Variants in ANKRD46 observed in about 807,000 individuals in gnomAD.
ANKRD46 encodes ankyrin repeat domain 46, also known as ankyrin repeat domain-containing protein 46.
ANKRD46 carries 13 observed loss-of-function variants against 19.8 expected under a neutral mutation model. That is an observed-to-expected ratio of 0.66 (90% CI 0.43 to 1.04). ANKRD46 has a LOEUF of 1.04. ANKRD46 is among the 50% of genes least tolerant of loss of function. The pLI is 0.00. For missense variants in ANKRD46, 185 were observed against 274.8 expected, an observed-to-expected ratio of 0.67 and a Z score of 2.31; for synonymous variants, 91 against 106.9, an observed-to-expected ratio of 0.85 and a Z score of 0.92.
rs1456148890 is a variant in ANKRD46, at chr8:100,543,786, A to T, written c.-130-10475T>A. ...CTTTCAGGTTTATGGTAGCTATTAA[A>T]TTTACCACTAATATATCTGCATGTC... On this transcript the variant is annotated intron_variant, in intron 1 of 4. Transcript: ENST00000335659. The surrounding 1 kb of genome is among the most constrained non-coding windows in gnomAD (Gnocchi z 4.2). Among the ~76,000 whole-genome samples, 1 of 152,228 alleles carries T rather than the reference A, an allele frequency of 6.6e-6. No homozygotes were observed. The highest frequency in any genetic ancestry group is 1.5e-5 in the Non-Finnish European group (1 of 68,042).
At chr8:100,556,965 C>T (rs1812512893) in intron 1 of ANKRD46, 1 of 152,102 alleles carries the variant, frequency 6.6e-6, no homozygotes, top group Admixed American at 6.5e-5. Context: ...TAAATACTAC[C>T]CTTCTGTGCA....
chr8:100,518,222 G>A (rs1811664729), downstream of ANKRD46, among the ~76,000 whole-genome samples: 2 of 152,020 alleles, frequency 1.3e-5, no homozygotes, highest in Non-Finnish European at 2.9e-5. Flanking sequence ...GCTATAGAAT[G>A]GCTCCCAGAT....
In ANKRD46 at chr8:100,550,978, A is replaced by G. The variant is rs992489752; in HGVS notation, c.-131+8733T>C. The stretch of plus-strand genomic sequence containing the variant: ...CATCATATTTGGCAGGTTTCTCCAG[A>G]TGGCAGGTCAGGTCCACAACCAACA... On this transcript the variant is annotated intron_variant, in intron 1 of 4. Coordinates refer to ENST00000335659, the MANE Select transcript of ANKRD46 (RefSeq NM_001270377.2). The surrounding 1 kb of genome is among the most constrained non-coding windows in gnomAD (Gnocchi z 4.4). 2.3e-5 allele frequency: 13 copies of G among 560,030 alleles called. No individual in the cohort carries two copies. Among genetic ancestry groups the G allele is most frequent in the African/African-American group, 2.1e-4 (11 of 52,772 alleles). 34.7% of individuals were successfully genotyped at this position (560,030 alleles called of 1,614,324 possible). A position where few individuals can be genotyped will look rare whatever the true frequency, so the allele number is the denominator to read the frequency against.
At chr8:100,538,193 T>C (rs753764464) in intron 1 of ANKRD46, among the ~76,000 whole-genome samples, 1 of 151,964 alleles carries the variant, frequency 6.6e-6, no homozygotes. Context: ...TTTTTTCTTA[T>C]GACTAGTTCT....
At position 100,511,718 on chromosome 8, in the gene ANKRD46, C is replaced by T. The variant is rs568126870; in HGVS notation, c.637-1079G>A. Reference sequence around the variant, plus strand: ...GGCTGTTGGCTGAGTCATTAGGGCTCCATTAAAGACAATGAAGAATTTCGG... The same window carrying T: ...GGCTGTTGGCTGAGTCATTAGGGCTTCATTAAAGACAATGAAGAATTTCGG... On this transcript the variant is annotated intron_variant, in intron 5 of 5. Coordinates refer to the ANKRD46 transcript ENST00000520552. This position sits in a 1 kb window ranked among gnomAD's most constrained non-coding sequence, Gnocchi z 4.1. Among the ~76,000 whole-genome samples, 26 of 152,250 alleles carry T rather than the reference C, an allele frequency of 1.7e-4. No individual in the cohort carries two copies. The highest frequency in any genetic ancestry group is 6.3e-4 in the African/African-American group (26 of 41,554).
chr8:100,539,493 G>A (rs1249349985), intron 1 of ANKRD46, among the ~76,000 whole-genome samples: 1 of 152,170 alleles, frequency 6.6e-6, no homozygotes, highest in African/African-American at 2.4e-5. Context: ...AATAACAGAA[G>A]TTCAAATTTT....
downstream of ANKRD46, among the ~76,000 whole-genome samples, chr8:100,518,190 TAAAAA>T (rs777025243): frequency 1.3e-5 from 2 of 151,892 alleles, no homozygotes; most frequent in Non-Finnish European, 2.9e-5. Context: ...GACTCTGTCT[TAAAAA>T]AGATTAAATA....
intron 5 of ANKRD46, among the ~76,000 whole-genome samples, chr8:100,513,158 A>G (rs1015847886): frequency 2.6e-5 from 4 of 152,260 alleles, no homozygotes; most frequent in Non-Finnish European, 5.9e-5. Context: ...AGTTTAGTCA[A>G]TAAAACACAT....
chr8:100,512,154 C>T (rs777130575), intron 5 of ANKRD46, among the ~76,000 whole-genome samples: 3 of 152,188 alleles, frequency 2.0e-5, no homozygotes, highest in Non-Finnish European at 4.4e-5. Flanking sequence ...GTTTATTTAA[C>T]AGAAACTGCA....
downstream of ANKRD46, among the ~76,000 whole-genome samples, chr8:100,519,727 C>T (rs1179208172): frequency 2.0e-5 from 3 of 152,140 alleles, no homozygotes; most frequent in Admixed American, 1.3e-4. Context: ...TGCTGCTGAT[C>T]GGAAGCCTGC....
rs149256777 is a variant in ANKRD46 at position 100,546,698 on chromosome 8, A to T, written c.-131+13013T>A. Among the ~76,000 whole-genome samples, 1,154 of 152,334 alleles carry T rather than the reference A, an allele frequency of 7.6e-3. 18 individuals are homozygous for T. Among genetic ancestry groups the T allele is most frequent in the African/African-American group, 0.026 (1,070 of 41,580 alleles). ...AGGGCCACTGTCCTCCAGACCCCAG[A>T]AAAGTAGATCCACTGACAGCTTGCA... On this transcript the variant is annotated intron_variant, in intron 1 of 4. Coordinates refer to ENST00000335659, the MANE Select transcript of ANKRD46 (RefSeq NM_001270377.2). The surrounding 1 kb of genome is among the most constrained non-coding windows in gnomAD (Gnocchi z 4.0).
At position 100,524,068 on chromosome 8, in the gene ANKRD46, A is replaced by G. The variant is rs150634024; in HGVS notation, c.471-1297T>C. Among the ~76,000 whole-genome samples the G allele has an allele frequency of 1.4e-4, 21 of 152,360 alleles. 1 individual carries two copies. The East Asian group carries it at 3.5e-3, about 25-fold the overall frequency. On this transcript the variant is annotated intron_variant, in intron 4 of 4. Transcript: ENST00000335659. The surrounding 1 kb of genome is among the most constrained non-coding windows in gnomAD (Gnocchi z 4.3). ...TCTAGTTGAAAATAAGGTAGTGCAA[A>G]TACCATAAAAACACTGATTCTGGTT...
At position 100,521,813 on chromosome 8, in the gene ANKRD46, T is replaced by C. The variant is rs1050302730; in HGVS notation, c.*742A>G. 3 of 985,254 alleles carry C rather than the reference T, an allele frequency of 3.0e-6. No individual in the cohort carries two copies. Among genetic ancestry groups the C allele is most frequent in the Non-Finnish European group, 3.6e-6 (3 of 829,846 alleles). 61.0% of individuals were successfully genotyped at this position (985,254 alleles called of 1,614,324 possible). A position where few individuals can be genotyped will look rare whatever the true frequency, so the allele number is the denominator to read the frequency against. On this transcript the variant is annotated 3_prime_UTR_variant, in exon 5 of 5. Coordinates refer to ENST00000335659, the MANE Select transcript of ANKRD46 (RefSeq NM_001270377.2). ...TGACTGTAATTCTGATGAACTGTTATCTTTGATGACTAGGATACTCGGGAA... is the reference window on the plus strand; with the variant it reads ...TGACTGTAATTCTGATGAACTGTTACCTTTGATGACTAGGATACTCGGGAA...
chr8:100,558,197 T>G (rs1476394168), intron 1 of ANKRD46, among the ~76,000 whole-genome samples: 1 of 152,240 alleles, frequency 6.6e-6, no homozygotes, highest in African/African-American at 2.4e-5. Context: ...CAATTTCCCT[T>G]TTGATAAAGA....
rs978570991 is a variant in ANKRD46 at position 100,510,199 on chromosome 8, A to T, written c.*378T>A. 3 of 200,748 alleles carry T rather than the reference A, an allele frequency of 1.5e-5. No homozygotes were observed. The highest frequency in any genetic ancestry group is 6.9e-5 in the African/African-American group (3 of 43,496). The allele number at this position is 200,748 out of a possible 1,614,324, so 12.4% of individuals were successfully genotyped here. A position where few individuals can be genotyped will look rare whatever the true frequency, so the allele number is the denominator to read the frequency against. On this transcript the variant is annotated 3_prime_UTR_variant, in exon 6 of 6. Transcript: ENST00000520552. This position sits in a 1 kb window ranked among gnomAD's most constrained non-coding sequence, Gnocchi z 4.9. ...ATCCCCACAGTCCATGGAGACAAAC[A>T]AAACAGCATGACATCACCCGCCTGG...
At chr8:100,540,016 G>A (rs1291175446) in intron 1 of ANKRD46, among the ~76,000 whole-genome samples, 1 of 152,188 alleles carries the variant, frequency 6.6e-6, no homozygotes, top group Non-Finnish European at 1.5e-5. Flanking sequence ...TTTCCTGTTT[G>A]TTATGTCTGG....
At chr8:100,548,405 G>A (rs994600612) in intron 1 of ANKRD46, among the ~76,000 whole-genome samples, 16 of 152,056 alleles carry the variant, frequency 1.1e-4, no homozygotes, top group African/African-American at 3.9e-4. Context: ...AATCACTCAG[G>A]TCTCAGCTCA....
rs1258595807 is a variant in ANKRD46 at position 100,532,793 on chromosome 8, T to C, written c.-28+416A>G. Among the ~76,000 whole-genome samples, 2 of 152,208 alleles carry C rather than the reference T, an allele frequency of 1.3e-5. No homozygotes were observed. The highest frequency in any genetic ancestry group is 2.9e-5 in the Non-Finnish European group (2 of 68,032). ...GCAGGTTGGACAAGCTTGCACAGTATTGAATCATAAAAATGGAAAAGCTAT... is the reference window on the plus strand; with the variant it reads ...GCAGGTTGGACAAGCTTGCACAGTACTGAATCATAAAAATGGAAAAGCTAT... On this transcript the variant is annotated intron_variant, in intron 2 of 4. Transcript: ENST00000335659. This position sits in a 1 kb window ranked among gnomAD's most constrained non-coding sequence, Gnocchi z 4.7.
chr8:100,551,116 GC>G, intron 1 of ANKRD46: 1 of 485,380 alleles, frequency 2.1e-6, no homozygotes, highest in East Asian at 5.1e-5. Context: ...GTTCTGGAGA[GC>G]CCCACAGACA....
Sources: gnomAD v4.1 joint callset for allele counts (sites outside exome capture counted in the v4.1 genomes callset) on GRCh38, gnomAD v4.1.1 for gene constraint, Gnocchi (gnomAD v3.1) non-coding constraint, MANE v1.5 for transcripts, NCBI Gene and HGNC (gene_info 2026-07-23, HGNC 2026-07-21) for gene names.